Variants in PTGER3 observed in about 807,000 individuals in gnomAD.
PTGER3 encodes prostaglandin E2 receptor EP3 subtype.
PTGER3 carries 22 observed loss-of-function variants against 34.7 expected under a neutral mutation model. That is an observed-to-expected ratio of 0.63 (90% CI 0.45 to 0.91). The LOEUF is 0.91. PTGER3 is among the 40% of genes least tolerant of loss of function. The pLI, the probability that PTGER3 is intolerant of heterozygous loss-of-function variation, is 0.00. For synonymous variants in PTGER3, 241 were observed against 230.1 expected (o/e 1.05, Z -0.43); for missense variants, 468 against 519.4 (o/e 0.90, Z 0.96).
intron 2 of PTGER3, chr1:70,998,438 A>AAATCTGC (rs1455282260): frequency 2.0e-5 from 3 of 152,238 alleles, no homozygotes; most frequent in Non-Finnish European, 4.4e-5. Context: ...CTGAAATCTG[A>AAATCTGC]AATCTGCAAG....
chr1:70,926,221 T>G (rs914115535), intron 4 of PTGER3, among the ~76,000 whole-genome samples: 1 of 152,212 alleles, frequency 6.6e-6, no homozygotes, highest in African/African-American at 2.4e-5. Context: ...GTGAAGCAAG[T>G]CATTGGTAGC....
chr1:70,859,776 C>T (rs1355180508), intron 4 of PTGER3, among the ~76,000 whole-genome samples: 4 of 152,162 alleles, frequency 2.6e-5, no homozygotes, highest in Non-Finnish European at 4.4e-5. Context: ...TCCCATTTTA[C>T]ACATGAGAAA....
At chr1:70,953,006 C>T in exon 4 of PTGER3, 8 of 1,611,736 alleles carry the variant, frequency 5.0e-6, no homozygotes, top group African/African-American at 1.3e-5. Context: ...TTTGTACTTG[C>T]CCACAATGTG....
At chr1:70,951,518 A>G (rs1307648997), downstream of PTGER3, 4 of 152,298 alleles carry the variant, frequency 2.6e-5, no homozygotes, top group Admixed American at 6.5e-5. Context: ...TTTGCATATG[A>G]TGGGGAAACA....
chr1:70,882,838 C>T (rs1317473270), intron 4 of PTGER3, among the ~76,000 whole-genome samples: 1 of 152,216 alleles, frequency 6.6e-6, no homozygotes, highest in Non-Finnish European at 1.5e-5. Context: ...TTGCTTCTCT[C>T]TGCTCTGTGT....
downstream of PTGER3, among the ~76,000 whole-genome samples, chr1:70,967,321 T>A (rs1279623108): frequency 6.6e-6 from 1 of 152,112 alleles, no homozygotes; most frequent in Non-Finnish European, 1.5e-5. Flanking sequence ...TATTGAGCAA[T>A]TTCTATGTGC....
At chr1:70,908,200 A>G (rs1477443313) in intron 4 of PTGER3, among the ~76,000 whole-genome samples, 1 of 152,220 alleles carries the variant, frequency 6.6e-6, no homozygotes, top group African/African-American at 2.4e-5. Flanking sequence ...CAATTATTTT[A>G]TAACAAAGAT....
At chr1:70,946,050 T>C (rs1650198431) in intron 4 of PTGER3, among the ~76,000 whole-genome samples, 1 of 152,042 alleles carries the variant, frequency 6.6e-6, no homozygotes, top group Non-Finnish European at 1.5e-5. Context: ...CGGTAGCCAA[T>C]ATAGGATGAG....
chr1:70,944,050 T>A (rs1355338455), intron 4 of PTGER3, among the ~76,000 whole-genome samples: 4 of 152,156 alleles, frequency 2.6e-5, no homozygotes, highest in Non-Finnish European at 5.9e-5. Flanking sequence ...AATTAGATAG[T>A]ATAGTTGACA....
intron 4 of PTGER3, among the ~76,000 whole-genome samples, chr1:70,923,833 G>A (rs1647785943): frequency 6.6e-6 from 1 of 152,080 alleles, no homozygotes; most frequent in African/African-American, 2.4e-5. Context: ...TTAATTTATG[G>A]CAACATAGTT....
At chr1:70,932,318 C>G (rs1485405330) in intron 4 of PTGER3, among the ~76,000 whole-genome samples, 1 of 152,152 alleles carries the variant, frequency 6.6e-6, no homozygotes, top group Non-Finnish European at 1.5e-5. Context: ...GTCTTCTGAG[C>G]CCCCCAAACT....
chr1:71,005,726 C>T, intron 2 of PTGER3: 1 of 317,932 alleles, frequency 3.1e-6, no homozygotes, highest in Non-Finnish European at 4.5e-6. Context: ...TACTAGCAAG[C>T]ACACTGGCCC....
chr1:71,020,282 T>G (rs1023232872), intron 1 of PTGER3, among the ~76,000 whole-genome samples: 7 of 152,180 alleles, frequency 4.6e-5, no homozygotes, highest in African/African-American at 1.7e-4. Context: ...TTAGTAGAAT[T>G]TGTGCCATTT....
At chr1:71,008,712 C>G (rs1405338685) in intron 2 of PTGER3, 2 of 981,642 alleles carry the variant, frequency 2.0e-6, no homozygotes, top group Non-Finnish European at 2.4e-6. Context: ...TTTTTTAGAC[C>G]TCAGTTTTAA....
At chr1:70,900,507 C>T (rs781110013) in intron 4 of PTGER3, among the ~76,000 whole-genome samples, 1 of 151,702 alleles carries the variant, frequency 6.6e-6, no homozygotes, top group Non-Finnish European at 1.5e-5. Context: ...CTTTTGTTGG[C>T]AATTTTATAT....
chr1:70,872,791 G>C (rs1646190965), intron 4 of PTGER3, among the ~76,000 whole-genome samples: 1 of 152,198 alleles, frequency 6.6e-6, no homozygotes, highest in Non-Finnish European at 1.5e-5. Context: ...CCACACCATA[G>C]AGTTGTGCTG....
rs142272546 is a variant in PTGER3, at chr1:71,047,477, C to G, written c.101G>C (p.Arg34Pro). 1.0e-5 allele frequency: 16 copies of G among 1,607,830 alleles called. No homozygotes were observed. The African/African-American group carries it at 2.0e-4, about 20-fold the overall frequency. Reference sequence around the variant, plus strand: ...CCCTGGAGGGCGCGTGAGGTTGCCCCGCGCCTCGGCGGAACGCTCGGGCGC... The same window carrying G: ...CCCTGGAGGGCGCGTGAGGTTGCCCGGCGCCTCGGCGGAACGCTCGGGCGC... ...MWAPERSAEA[R>P]GNLTRPPGSG... Residue 34 changes from arginine (R) to proline (P), a missense_variant, in exon 1 of 4, where the codon CGG becomes CCG. Around this residue, in one of 5 missense-constraint regions of PTGER3, gnomAD observed 151 missense variants for 133.5 expected, o/e 1.13. Transcript: ENST00000306666.
chr1:71,044,129 T>C (rs1660547432), intron 1 of PTGER3, among the ~76,000 whole-genome samples: 1 of 150,986 alleles, frequency 6.6e-6, no homozygotes, highest in South Asian at 2.1e-4. Context: ...GGAACCATTT[T>C]CTTTAAAAAG....
chr1:70,984,013 G>A (rs1224377656), intron 2 of PTGER3, among the ~76,000 whole-genome samples: 1 of 152,146 alleles, frequency 6.6e-6, no homozygotes, highest in Non-Finnish European at 1.5e-5. Flanking sequence ...CCTTTGGGTT[G>A]AGTATAGAAA....
Sources: gnomAD v4.1 joint callset for allele counts (sites outside exome capture counted in the v4.1 genomes callset) on GRCh38, gnomAD v4.1.1 for gene constraint, gnomAD v4.1.1 regional missense constraint, MANE v1.5 for transcripts, NCBI Gene and HGNC (gene_info 2026-07-23, HGNC 2026-07-21) for gene names.